The following LRRC4C variants were observed in gnomAD, a reference collection of about 807,000 sequenced individuals.
The protein encoded by LRRC4C is leucine-rich repeat-containing protein 4C.
A neutral mutation model predicts 33.6 loss-of-function variants in LRRC4C; 5 were observed. The observed-to-expected ratio is 0.15, with a 90% confidence interval of 0.08 to 0.31. LRRC4C has a LOEUF of 0.31. Among genes scored for constraint, LRRC4C ranks in the 10% least tolerant of loss-of-function variants. LRRC4C has a pLI of 1.00. For missense variants in LRRC4C, 560 were observed against 796.7 expected (o/e 0.70, Z 3.58); for synonymous variants, 329 against 302.0 (o/e 1.09, Z -0.93).
chr11:40,435,925 G>A (rs1951121473), intron 3 of LRRC4C, among the ~76,000 whole-genome samples: 1 of 152,072 alleles, frequency 6.6e-6, no homozygotes, highest in Non-Finnish European at 1.5e-5. Flanking sequence ...TGAGCTAGCT[G>A]CTACTCTTCC....
At chr11:40,492,241 G>A (rs191422526) in intron 3 of LRRC4C, among the ~76,000 whole-genome samples, 9 of 152,212 alleles carry the variant, frequency 5.9e-5, no homozygotes, top group Admixed American at 3.3e-4. Context: ...ACTCGACTAC[G>A]TTGTCAAATC....
chr11:41,077,572 C>G (rs969749428), intron 1 of LRRC4C, among the ~76,000 whole-genome samples: 1 of 152,164 alleles, frequency 6.6e-6, no homozygotes, highest in Non-Finnish European at 1.5e-5. Context: ...TGTCATGTTG[C>G]AAGGCTGCAC....
intron 2 of LRRC4C, among the ~76,000 whole-genome samples, chr11:40,740,125 T>G (rs1334398550): frequency 2.0e-5 from 3 of 152,018 alleles, no homozygotes; most frequent in Non-Finnish European, 4.4e-5. Flanking sequence ...GCAATGAACA[T>G]GGTGCATATA....
In LRRC4C at chr11:40,948,853, C is replaced by A. The variant is rs1428781084; in HGVS notation, c.-495-15130G>T. Among the ~76,000 whole-genome samples the A allele has an allele frequency of 3.1e-3, 473 of 151,928 alleles. 3 individuals carry two copies. The highest frequency in any genetic ancestry group is 0.011 in the African/African-American group (449 of 41,408). On this transcript the variant is annotated intron_variant, in intron 1 of 6. Transcript: ENST00000528697. ...ACGTGTGCATGTGTCTTTATAGTAG[C>A]ATGATTTATAGTCCTTTGGGTATAT...
chr11:40,662,466 G>C (rs1943490611), intron 2 of LRRC4C, among the ~76,000 whole-genome samples: 1 of 152,174 alleles, frequency 6.6e-6, no homozygotes, highest in East Asian at 1.9e-4. Flanking sequence ...CCTTAAAAAA[G>C]AGTTTGGGCA....
At chr11:40,244,412 T>C (rs1205113739) in intron 4 of LRRC4C, among the ~76,000 whole-genome samples, 1 of 152,084 alleles carries the variant, frequency 6.6e-6, no homozygotes, top group Non-Finnish European at 1.5e-5. Context: ...AAGGTCCCTT[T>C]CCTGAATTTT....
chr11:41,427,784 G>A (rs1251832640), intron 1 of LRRC4C, among the ~76,000 whole-genome samples: 3 of 152,100 alleles, frequency 2.0e-5, no homozygotes, highest in African/African-American at 7.2e-5. Context: ...TAAATGGCCT[G>A]TTCCTGCCTT....
chr11:41,124,497 A>T (rs1169608913), intron 1 of LRRC4C, among the ~76,000 whole-genome samples: 1 of 152,228 alleles, frequency 6.6e-6, no homozygotes, highest in African/African-American at 2.4e-5. Flanking sequence ...CTATAAACTT[A>T]GCCAAAGCCA....
intron 1 of LRRC4C, among the ~76,000 whole-genome samples, chr11:41,041,951 A>C (rs1857465316): frequency 6.6e-6 from 1 of 152,190 alleles, no homozygotes; most frequent in Admixed American, 6.5e-5. Context: ...CAGCTGTACT[A>C]TGTTAAAAGA....
intron 1 of LRRC4C, among the ~76,000 whole-genome samples, chr11:41,221,107 A>G (rs937946075): frequency 6.6e-5 from 10 of 152,274 alleles, no homozygotes; most frequent in Middle Eastern, 3.4e-3. Flanking sequence ...CCTAGTACCC[A>G]TTAGTTATTT....
At chr11:40,650,702 A>T (rs377517115) in intron 2 of LRRC4C, among the ~76,000 whole-genome samples, 15 of 152,166 alleles carry the variant, frequency 9.9e-5, no homozygotes, top group African/African-American at 3.4e-4. Flanking sequence ...GTACTCTTTT[A>T]ACTAAGTTTA....
chr11:40,719,411 A>G (rs1159254233), intron 2 of LRRC4C, among the ~76,000 whole-genome samples: 1 of 152,196 alleles, frequency 6.6e-6, no homozygotes, highest in African/African-American at 2.4e-5. Flanking sequence ...AGTGACCAGA[A>G]AAAAATTACT....
chr11:41,424,233 A>G (rs1954964480), intron 1 of LRRC4C, among the ~76,000 whole-genome samples: 1 of 152,142 alleles, frequency 6.6e-6, no homozygotes, highest in African/African-American at 2.4e-5. Context: ...GGGGAAACAA[A>G]CAGAAAATGA....
intron 5 of LRRC4C, among the ~76,000 whole-genome samples, chr11:40,143,130 A>T (rs553921228): frequency 1.3e-5 from 2 of 152,066 alleles, no homozygotes; most frequent in Non-Finnish European, 2.9e-5. Flanking sequence ...TCACCCATGC[A>T]TTGGAAATTC....
At chr11:40,182,354 C>T (rs1861075566) in intron 5 of LRRC4C, among the ~76,000 whole-genome samples, 1 of 152,044 alleles carries the variant, frequency 6.6e-6, no homozygotes, top group Non-Finnish European at 1.5e-5. Context: ...TTGCTTAGCA[C>T]CAAAGGAAAC....
At chr11:41,075,395 G>A (rs946311131) in intron 1 of LRRC4C, among the ~76,000 whole-genome samples, 7 of 152,118 alleles carry the variant, frequency 4.6e-5, no homozygotes, top group South Asian at 2.1e-4. Flanking sequence ...AATAATAATA[G>A]TCAGGCTTTA....
chr11:40,792,142 C>T (rs1162387430), intron 2 of LRRC4C, among the ~76,000 whole-genome samples: 1 of 152,090 alleles, frequency 6.6e-6, no homozygotes, highest in African/African-American at 2.4e-5. Flanking sequence ...ACATTATAGA[C>T]TTTAGCCCTA....
At chr11:40,935,893 C>G (rs954347129) in intron 1 of LRRC4C, among the ~76,000 whole-genome samples, 4 of 150,480 alleles carry the variant, frequency 2.7e-5, no homozygotes, top group South Asian at 2.1e-4. Flanking sequence ...GTCTCAGGTC[C>G]TCAGCTATAA....
At chr11:40,791,158 T>C (rs1368148342) in intron 2 of LRRC4C, among the ~76,000 whole-genome samples, 2 of 152,194 alleles carry the variant, frequency 1.3e-5, no homozygotes, top group African/African-American at 2.4e-5. Flanking sequence ...CATTCCTTGC[T>C]CATGAATGTC....
Sources: gnomAD v4.1 joint callset for allele counts (sites outside exome capture counted in the v4.1 genomes callset) on GRCh38, gnomAD v4.1.1 for gene constraint, MANE v1.5 for transcripts, NCBI Gene and HGNC (gene_info 2026-07-23, HGNC 2026-07-21) for gene names.